SOS2: variants seen among roughly 807,000 people sequenced by gnomAD.
SOS2 encodes son of sevenless homolog 2.
SOS2 carries 65 observed loss-of-function variants against 148.2 expected under a neutral mutation model. The ratio of observed to expected loss-of-function variants is 0.44; its 90% CI spans 0.36 to 0.54. The LOEUF is 0.54. Among genes scored for constraint, SOS2 ranks in the 20% least tolerant of loss-of-function variants. SOS2 has a pLI of 0.00. For missense variants in SOS2, 1,341 were observed against 1,590.2 expected, an observed-to-expected ratio of 0.84 and a Z score of 2.67; for synonymous variants, 539 against 537.1, an observed-to-expected ratio of 1.00 and a Z score of -0.05.
At chr14:50,225,256 A>G (rs1196523227) in intron 1 of SOS2, among the ~76,000 whole-genome samples, 1 of 152,186 alleles carries the variant, frequency 6.6e-6, no homozygotes, top group African/African-American at 2.4e-5. Flanking sequence ...CACCTGGCCC[A>G]TGGAAGAAAA....
chr14:50,131,428 G>T (rs1818558775), intron 19 of SOS2, among the ~76,000 whole-genome samples: 1 of 151,960 alleles, frequency 6.6e-6, no homozygotes, highest in South Asian at 2.1e-4. Context: ...ATCTATGAGG[G>T]GTTTTCAAAA....
chr14:50,145,664 C>CA, intron 14 of SOS2, 68 bp from the exon 15 acceptor site: 2 of 1,075,714 alleles, frequency 1.9e-6, no homozygotes, highest in Non-Finnish European at 2.7e-6. Flanking sequence ...TCTTCTAAAA[C>CA]TTAATAAGAA....
chr14:50,195,683 C>T (rs1389809972), intron 4 of SOS2, among the ~76,000 whole-genome samples: 1 of 152,052 alleles, frequency 6.6e-6, no homozygotes, highest in Non-Finnish European at 1.5e-5. Flanking sequence ...ATTGCCTGAG[C>T]CCAGGGGTTT....
intron 4 of SOS2, among the ~76,000 whole-genome samples, chr14:50,189,899 AGTACAGT>A (rs1886073571): frequency 6.7e-6 from 1 of 149,392 alleles, no homozygotes; most frequent in African/African-American, 2.5e-5. Flanking sequence ...CCCAGGCTGG[AGTACAGT>A]GGCATGATCT....
chr14:50,217,607 G>T (rs1273960644), intron 1 of SOS2, among the ~76,000 whole-genome samples: 3 of 152,012 alleles, frequency 2.0e-5, no homozygotes, highest in Non-Finnish European at 4.4e-5. Context: ...GTTAGGCAAA[G>T]ATTTCCTTGA....
At chr14:50,229,788 T>C (rs896362082) in intron 1 of SOS2, among the ~76,000 whole-genome samples, 5 of 152,214 alleles carry the variant, frequency 3.3e-5, no homozygotes, top group South Asian at 2.1e-4. Flanking sequence ...CTGCGTCACA[T>C]TGCCAACAAT....
chr14:50,128,141 A>T (rs1883741817), intron 21 of SOS2, among the ~76,000 whole-genome samples: 1 of 152,154 alleles, frequency 6.6e-6, no homozygotes, highest in South Asian at 2.1e-4. Context: ...AGGAATCCAA[A>T]AACAAGGATC....
intron 1 of SOS2, among the ~76,000 whole-genome samples, chr14:50,206,831 G>C (rs953419346): frequency 2.6e-5 from 4 of 151,684 alleles, no homozygotes; most frequent in Admixed American, 6.6e-5. Flanking sequence ...TAATTTTTTT[G>C]AGACAGAGTC....
intron 18 of SOS2, among the ~76,000 whole-genome samples, chr14:50,135,087 A>G (rs1276404516): frequency 1.3e-5 from 2 of 149,218 alleles, no homozygotes; most frequent in African/African-American, 4.9e-5. Context: ...AAAAAAAAAA[A>G]AAAAAGAAAG....
At chr14:50,197,684 A>T (rs10141570) in intron 4 of SOS2, among the ~76,000 whole-genome samples, 125,545 of 144,766 alleles carry the variant, frequency 0.87, 54,463 homozygotes, top group East Asian at 0.91. Context: ...AGTCAGCTTT[A>T]CCACCTTTTT....
At chr14:50,185,586 G>A (rs1885882228) in intron 5 of SOS2, among the ~76,000 whole-genome samples, 2 of 151,820 alleles carry the variant, frequency 1.3e-5, no homozygotes, top group Admixed American at 1.3e-4. Flanking sequence ...TAGCTACTCG[G>A]GAGGCTGAGG....
chr14:50,132,583 C>T (rs1883916194), intron 19 of SOS2, among the ~76,000 whole-genome samples: 1 of 151,944 alleles, frequency 6.6e-6, no homozygotes, highest in Non-Finnish European at 1.5e-5. Flanking sequence ...ATTGCTTGAA[C>T]CTGGGAGGTG....
chr14:50,186,205 G>T (rs183343686), intron 5 of SOS2, among the ~76,000 whole-genome samples: 1 of 152,124 alleles, frequency 6.6e-6, no homozygotes, highest in Admixed American at 6.5e-5. Context: ...AAAAATTATA[G>T]TAGATACAGA....
chr14:50,157,030 G>A lies in SOS2; in HGVS notation c.2026C>T (p.Arg676Cys), dbSNP rs1001909268. 4 of 1,609,266 alleles carry A rather than the reference G, an allele frequency of 2.5e-6. No homozygotes were observed. Among genetic ancestry groups the A allele is most frequent in the Non-Finnish European group, 3.4e-6 (4 of 1,177,274 alleles). The stretch of plus-strand genomic sequence containing the variant: ...TGTACTGGTTGGACATATTCCTTGC[G>A]AAATCTTTTAAGGTCTGCACTGATT... ...QPISADLKRF[R>C]KEYVQPVQLR... Residue 676 changes from arginine (R) to cysteine (C), a missense_variant, in exon 12 of 23, where the codon CGC (arginine) becomes TGC (cysteine). By Grantham distance (180) the Arg-to-Cys change is radical. Coordinates refer to ENST00000216373, the MANE Select transcript of SOS2 (RefSeq NM_006939.4).
At chr14:50,172,419 C>CTTTTTTTTTTTTTT (rs768766517) in intron 8 of SOS2, among the ~76,000 whole-genome samples, 1,123 of 82,614 alleles carry the variant, frequency 0.014, 231 homozygotes, top group East Asian at 0.017. Context: ...TTATTCATTC[C>CTTTTTTTTTTTTTT]TTTTTTTTTT....
At chr14:50,212,161 T>A (rs1405861785) in intron 1 of SOS2, among the ~76,000 whole-genome samples, 2 of 152,180 alleles carry the variant, frequency 1.3e-5, no homozygotes, top group African/African-American at 4.8e-5. Context: ...GGATACACGC[T>A]GAGATGGAAA....
intron 1 of SOS2, among the ~76,000 whole-genome samples, chr14:50,210,808 G>C (rs548078834): frequency 6.6e-6 from 1 of 150,824 alleles, no homozygotes; most frequent in African/African-American, 2.4e-5. Context: ...TAGCTCTTAA[G>C]TAATCAGAAA....
At chr14:50,224,314 TACACACACACACACACACACACACAC>T (rs71118856) in intron 1 of SOS2, among the ~76,000 whole-genome samples, 7 of 101,032 alleles carry the variant, frequency 6.9e-5, no homozygotes, top group South Asian at 3.3e-4. Flanking sequence ...AATATATATA[TACACACACACACACACACACACACAC>T]ACACACACAC....
intron 9 of SOS2, among the ~76,000 whole-genome samples, chr14:50,161,208 AT>A (rs1326015798): frequency 6.8e-6 from 1 of 147,836 alleles, no homozygotes; most frequent in Non-Finnish European, 1.5e-5. Context: ...CAGGAGAATC[AT>A]TGGAACGCAG....
Sources: gnomAD v4.1 joint callset for allele counts (sites outside exome capture counted in the v4.1 genomes callset) on GRCh38, gnomAD v4.1.1 for gene constraint, MANE v1.5 for transcripts, NCBI Gene and HGNC (gene_info 2026-07-23, HGNC 2026-07-21) for gene names.